Variants in ING5 observed in about 807,000 individuals in gnomAD.
ING5 encodes the protein inhibitor of growth family member 5.
Under a neutral mutation model 37.4 loss-of-function variants are expected in ING5, and 17 were observed. The ratio of observed to expected loss-of-function variants is 0.45; its 90% confidence interval spans 0.31 to 0.68. The LOEUF (loss-of-function observed/expected upper bound fraction) is 0.68, where lower values mean the gene tolerates loss of function less well. Among genes scored for constraint, ING5 ranks in the 30% least tolerant of loss-of-function variants. The pLI is 0.05. For synonymous variants in ING5, 123 were observed against 116.6 expected, an observed-to-expected ratio of 1.06 and a Z score of -0.36; for missense variants, 233 against 311.9, an observed-to-expected ratio of 0.75 and a Z score of 1.91.
At chr2:241,720,484 A>T in intron 5 of ING5, 5 of 1,007,074 alleles carry the variant, frequency 5.0e-6, no homozygotes, top group Non-Finnish European at 5.9e-6. Flanking sequence ...AGATCCCGTG[A>T]CCTGAGGCTG....
rs978100842 is a variant in ING5, at chr2:241,727,540, C to T, written c.*2509C>T. 6.6e-6 allele frequency: 1 copy of T among 152,158 alleles called. No individual in the cohort carries two copies. Among genetic ancestry groups the T allele is most frequent in the Admixed American group, 6.5e-5 (1 of 15,282 alleles). The allele number at this position is 152,158 out of a possible 1,614,324, so 9.4% of individuals were successfully genotyped here. A position where few individuals can be genotyped will look rare whatever the true frequency, so the allele number is the denominator to read the frequency against. ...TGTGTGGCCAGGCTGGTCTCGAACTCCTGACCTGAAGTGATCCACCCGCCT... is the reference window on the plus strand; with the variant it reads ...TGTGTGGCCAGGCTGGTCTCGAACTTCTGACCTGAAGTGATCCACCCGCCT... On this transcript the variant is annotated 3_prime_UTR_variant, in exon 8 of 8. Transcript: ENST00000313552.
rs756757612 is a variant in ING5, at chr2:241,690,636, ACT to A, written c.29_30del (p.Ser10TrpfsTer30). The A allele has an allele frequency of 8.3e-5, 33 of 398,236 alleles. No individual in the cohort carries two copies. The highest frequency in any genetic ancestry group is 5.3e-4 in the East Asian group (15 of 28,064). The allele number at this position is 398,236 out of a possible 1,614,324, so 24.7% of individuals were successfully genotyped here. Reference sequence around the variant, plus strand: ...ATGGGAGCAAGAGTCACTCCACGAGACTCTGGAGGCCTGATAGGTGAGTACAT... The same window carrying A: ...ATGGGAGCAAGAGTCACTCCACGAGACTGGAGGCCTGATAGGTGAGTACAT... On this transcript the variant is annotated frameshift_variant, in exon 2 of 8. Transcript: ENST00000636051. LOFTEE classifies it high-confidence loss of function.
upstream of ING5, among the ~76,000 whole-genome samples, chr2:241,700,857 C>G (rs2069706258): frequency 6.6e-6 from 1 of 151,380 alleles, no homozygotes; most frequent in South Asian, 2.1e-4. Flanking sequence ...AATTCCTGCC[C>G]TCAAGTGATC....
chr2:241,717,503 A>T (rs1182093948), intron 5 of ING5, among the ~76,000 whole-genome samples: 2 of 151,968 alleles, frequency 1.3e-5, no homozygotes, highest in African/African-American at 4.8e-5. Context: ...GAACTTTAAC[A>T]TTTTTTGCAG....
At chr2:241,690,714 C>A (rs1207734367) in intron 2 of ING5, 2 of 397,980 alleles carry the variant, frequency 5.0e-6, no homozygotes, top group African/African-American at 2.1e-5. Flanking sequence ...GTCAGAGATA[C>A]AGGTGAAATG....
At chr2:241,707,901 TTTC>T (rs1019669227) in intron 2 of ING5, among the ~76,000 whole-genome samples, 8 of 152,070 alleles carry the variant, frequency 5.3e-5, no homozygotes, top group African/African-American at 1.9e-4. Context: ...TAACAGTAGT[TTTC>T]TTTTTTTTTT....
At chr2:241,696,247 C>T (rs1280840545) in intron 2 of ING5, among the ~76,000 whole-genome samples, 1 of 151,744 alleles carries the variant, frequency 6.6e-6, no homozygotes, top group African/African-American at 2.4e-5. Context: ...AAAAATTAGC[C>T]GGGTGTGGTG....
At chr2:241,709,651 C>T (rs1474994775) in intron 3 of ING5, among the ~76,000 whole-genome samples, 5 of 150,790 alleles carry the variant, frequency 3.3e-5, no homozygotes, top group Non-Finnish European at 5.9e-5. Context: ...TTGTCGTCCA[C>T]GGTGGAGTAC....
intron 2 of ING5, among the ~76,000 whole-genome samples, chr2:241,694,707 T>A (rs34426467): frequency 0.62 from 92,701 of 148,404 alleles, 29,120 homozygotes; most frequent in African/African-American, 0.67. Context: ...AATTCATTTA[T>A]AAGTATCAGC....
rs748878880 is a variant in ING5, at chr2:241,723,286, G to A, written c.680+15G>A. The A allele has an allele frequency of 2.6e-5, 42 of 1,612,516 alleles. No individual in the cohort carries two copies. Among genetic ancestry groups the A allele is most frequent in the Non-Finnish European group, 3.2e-5 (38 of 1,178,610 alleles). ...AAAGGAAAATGGTGAGTGTGGGGAC[G>A]CTCGCTCTGTTTTCTCCCAGTCTGC... On this transcript the variant is annotated intron_variant, in intron 7 of 7. Transcript: ENST00000313552.
intron 2 of ING5, among the ~76,000 whole-genome samples, chr2:241,705,317 A>G (rs2124886645): frequency 6.7e-6 from 1 of 150,038 alleles, no homozygotes; most frequent in South Asian, 2.1e-4. Flanking sequence ...TCACCTCATG[A>G]TCTGCCCGCC....
Position 241,709,555 on chromosome 2 carries a change from G to GTTT in ING5, c.276+189_276+191dup, listed in dbSNP as rs10629648. 2.2e-3 allele frequency among the ~76,000 whole-genome samples: 283 copies of GTTT among 130,020 alleles called. 7 individuals are homozygous for GTTT. Among genetic ancestry groups the GTTT allele is most frequent in the Middle Eastern group, 4.0e-3 (1 of 252 alleles). 85.3% of individuals were successfully genotyped at this position (130,020 alleles called of 152,430 possible). On this transcript the variant is annotated intron_variant, in intron 3 of 7. Transcript: ENST00000313552. ...ATACACTTCATGTAGGACCATCCCT[G>GTTT]TTTTTTTTTTTTTTTTTTCTGGGCC...
At chr2:241,693,501 C>G (rs1237758839) in intron 2 of ING5, among the ~76,000 whole-genome samples, 1 of 151,980 alleles carries the variant, frequency 6.6e-6, no homozygotes, top group African/African-American at 2.4e-5. Flanking sequence ...CGACATACCC[C>G]TTGTTGCAAC....
chr2:241,722,387 AG>A, intron 5 of ING5: 1 of 985,298 alleles, frequency 1.0e-6, no homozygotes, highest in East Asian at 1.1e-4. Flanking sequence ...TCGTCCCCAG[AG>A]TGGGACCAGA....
chr2:241,694,581 C>A (rs1395638823), intron 2 of ING5, among the ~76,000 whole-genome samples: 5 of 151,868 alleles, frequency 3.3e-5, no homozygotes, highest in Non-Finnish European at 5.9e-5. Flanking sequence ...GCTTTTTCCC[C>A]CCTCTAATGA....
At chr2:241,688,798 A>T (rs570371273) in intron 1 of ING5, among the ~76,000 whole-genome samples, 9 of 124,382 alleles carry the variant, frequency 7.2e-5, no homozygotes, top group Non-Finnish European at 1.2e-4. Flanking sequence ...TAATTTTTGT[A>T]TTTTTATTTT....
chr2:241,719,432 T>G, intron 5 of ING5: 1 of 907,502 alleles, frequency 1.1e-6, no homozygotes, highest in Non-Finnish European at 1.7e-6. Context: ...CCCCGACATC[T>G]TTGAGAATGT....
Position 241,729,457 on chromosome 2 carries a change from A to G in ING5, c.*4426A>G, listed in dbSNP as rs1454570946. The stretch of plus-strand genomic sequence containing the variant: ...AGATTATGGATATATTGTTTAATAA[A>G]TAAAGTATTTTTTGGAACAAACAAT... On this transcript the variant is annotated 3_prime_UTR_variant, in exon 8 of 8. Transcript: ENST00000313552. 6.6e-6 allele frequency: 1 copy of G among 152,658 alleles called. No homozygotes were observed. The highest frequency in any genetic ancestry group is 2.4e-5 in the African/African-American group (1 of 41,470). The allele number at this position is 152,658 out of a possible 1,614,324, so 9.5% of individuals were successfully genotyped here.
At chr2:241,708,317 C>T (rs924772926) in intron 2 of ING5, among the ~76,000 whole-genome samples, 7 of 152,000 alleles carry the variant, frequency 4.6e-5, no homozygotes, top group African/African-American at 1.7e-4. Context: ...ACGCCATTCT[C>T]CTGCCTCAGC....
Sources: allele counts gnomAD v4.1 joint callset (sites outside exome capture counted in the v4.1 genomes callset), GRCh38; gene constraint gnomAD v4.1.1; transcripts MANE v1.5; gene names NCBI Gene and HGNC (gene_info 2026-07-23, HGNC 2026-07-21).